Variants in LDLRAD4 observed in about 807,000 individuals in gnomAD.
LDLRAD4 encodes low-density lipoprotein receptor class A domain-containing protein 4.
LDLRAD4 carries 5 observed loss-of-function variants against 17.0 expected under a neutral mutation model. The ratio of observed to expected loss-of-function variants is 0.29; its 90% CI spans 0.15 to 0.62. The LOEUF is 0.62. LDLRAD4 is among the 20% of genes least tolerant of loss of function. The pLI is 0.84. For missense variants in LDLRAD4, 340 were observed against 424.7 expected, an observed-to-expected ratio of 0.80 and a Z score of 1.75; for synonymous variants, 168 against 171.8, an observed-to-expected ratio of 0.98 and a Z score of 0.17.
chr18:13,331,295 G>A lies in LDLRAD4; in HGVS notation c.-383+53107G>A, dbSNP rs142816155. On this transcript the variant is annotated intron_variant, in intron 1 of 5. Transcript: ENST00000359446. Reference sequence around the variant, plus strand: ...GACAGTTCACCCAGGGGGTGTCCATGCAGAACTACTTGCTTGGTTGGTGTG... The same window carrying A: ...GACAGTTCACCCAGGGGGTGTCCATACAGAACTACTTGCTTGGTTGGTGTG... 4.4e-4 allele frequency among the ~76,000 whole-genome samples: 67 copies of A among 152,346 alleles called. 2 individuals carry two copies. The East Asian group carries it at 0.012, about 26-fold the overall frequency.
intron 1 of LDLRAD4, among the ~76,000 whole-genome samples, chr18:13,252,561 A>G (rs923264521): frequency 1.3e-4 from 20 of 152,122 alleles, no homozygotes; most frequent in African/African-American, 4.1e-4. Flanking sequence ...ATGAACTTCC[A>G]ATTGCTTAAT....
chr18:13,293,849 T>C (rs538475398), intron 1 of LDLRAD4, among the ~76,000 whole-genome samples: 1 of 152,320 alleles, frequency 6.6e-6, no homozygotes, highest in East Asian at 1.9e-4. Context: ...AAATGCGGCT[T>C]TCCCCCCTTG....
chr18:13,412,264 C>G (rs554323660), intron 2 of LDLRAD4, among the ~76,000 whole-genome samples: 2 of 152,326 alleles, frequency 1.3e-5, no homozygotes, highest in East Asian at 3.9e-4. Flanking sequence ...CATATGTAAT[C>G]TCTGGCCCCA....
At chr18:13,491,801 T>C (rs1252799957) in intron 3 of LDLRAD4, among the ~76,000 whole-genome samples, 1 of 152,158 alleles carries the variant, frequency 6.6e-6, no homozygotes, top group Non-Finnish European at 1.5e-5. Context: ...CCCTGGTACT[T>C]TTCCCATCAG....
At chr18:13,412,517 T>C (rs530062205) in intron 2 of LDLRAD4, among the ~76,000 whole-genome samples, 30 of 152,256 alleles carry the variant, frequency 2.0e-4, no homozygotes, top group African/African-American at 7.2e-4. Flanking sequence ...TTCTCTCTCA[T>C]CCATTCATAT....
chr18:13,222,857 T>A (rs2041540004), intron 1 of LDLRAD4, among the ~76,000 whole-genome samples: 1 of 152,228 alleles, frequency 6.6e-6, no homozygotes. Context: ...AGACCTCAAC[T>A]TTGTTCTTAG....
intron 2 of LDLRAD4, among the ~76,000 whole-genome samples, chr18:13,408,459 T>C (rs182993776): frequency 6.6e-6 from 1 of 152,036 alleles, no homozygotes; most frequent in African/African-American, 2.4e-5. Context: ...ACACAGCTTT[T>C]TTTTTAAATT....
chr18:13,268,153 C>A (rs955291018), intron 1 of LDLRAD4, among the ~76,000 whole-genome samples: 2 of 152,204 alleles, frequency 1.3e-5, no homozygotes, highest in African/African-American at 4.8e-5. Context: ...TGTCCCAGGG[C>A]AGAATATTTT....
chr18:13,509,106 T>A lies in LDLRAD4; in HGVS notation c.181+70722T>A, dbSNP rs905666426. ...TCACCTGAGCCCAGGAGTTCAAGAC[T>A]AGCCTTTGGCAACACAGGGAGACAT... On this transcript the variant is annotated intron_variant, in intron 3 of 5. Coordinates refer to ENST00000359446, the Ensembl canonical transcript of LDLRAD4. Among the ~76,000 whole-genome samples the A allele has an allele frequency of 2.0e-5, 3 of 152,204 alleles. No homozygotes were observed. In the East Asian group the frequency reaches 5.8e-4, roughly 29 times the overall value.
chr18:13,328,366 C>A (rs1255695964), intron 1 of LDLRAD4, among the ~76,000 whole-genome samples: 3 of 152,180 alleles, frequency 2.0e-5, no homozygotes, highest in Non-Finnish European at 4.4e-5. Context: ...ATTCATGACT[C>A]CTCCTAGAGC....
chr18:13,255,254 C>G (rs2043441729), intron 1 of LDLRAD4, among the ~76,000 whole-genome samples: 1 of 152,174 alleles, frequency 6.6e-6, no homozygotes, highest in Admixed American at 6.5e-5. Flanking sequence ...ACAGTGGGAG[C>G]TCCTCCTGGC....
intron 4 of LDLRAD4, among the ~76,000 whole-genome samples, chr18:13,623,557 G>C (rs1455382240): frequency 6.6e-6 from 1 of 152,230 alleles, no homozygotes. Flanking sequence ...AAAGGACTCT[G>C]TGTGATGTTT....
At chr18:13,301,077 T>G (rs1201332029) in intron 1 of LDLRAD4, among the ~76,000 whole-genome samples, 6 of 143,344 alleles carry the variant, frequency 4.2e-5, no homozygotes, top group Admixed American at 6.8e-5. Context: ...GGCCGGGGTG[T>G]CCGTGGTTGG....
intron 1 of LDLRAD4, among the ~76,000 whole-genome samples, chr18:13,287,446 A>T (rs1276008121): frequency 6.6e-6 from 1 of 152,230 alleles, no homozygotes; most frequent in African/African-American, 2.4e-5. Context: ...GGTTGAAATG[A>T]GTTTGCCTTC....
chr18:13,588,606 C>T (rs2094966030), intron 3 of LDLRAD4, among the ~76,000 whole-genome samples: 1 of 151,946 alleles, frequency 6.6e-6, no homozygotes, highest in Non-Finnish European at 1.5e-5. Flanking sequence ...GTTACCTCAC[C>T]AAGCGAAGGG....
intron 3 of LDLRAD4, among the ~76,000 whole-genome samples, chr18:13,531,619 A>G (rs1481078058): frequency 7.0e-6 from 1 of 142,666 alleles, no homozygotes; most frequent in African/African-American, 2.6e-5. Flanking sequence ...AAGAAATCAC[A>G]CTTTGTGATA....
chr18:13,329,285 A>C (rs375273433), intron 1 of LDLRAD4, among the ~76,000 whole-genome samples: 15 of 152,338 alleles, frequency 9.8e-5, no homozygotes, highest in African/African-American at 3.1e-4. Flanking sequence ...AACATACTAG[A>C]GGCCTGTTTC....
At chr18:13,531,990 C>T (rs1463519106) in intron 3 of LDLRAD4, among the ~76,000 whole-genome samples, 2 of 152,150 alleles carry the variant, frequency 1.3e-5, no homozygotes, top group Non-Finnish European at 2.9e-5. Context: ...CACTGACCCC[C>T]CACCACCCCC....
At chr18:13,445,013 C>A (rs78706385) in intron 3 of LDLRAD4, among the ~76,000 whole-genome samples, 3,289 of 152,300 alleles carry the variant, frequency 0.022, 105 homozygotes, top group East Asian at 0.064. Flanking sequence ...CCAAACCAAC[C>A]AAAGTAGAAG....
Sources: allele counts gnomAD v4.1 joint callset (sites outside exome capture counted in the v4.1 genomes callset), GRCh38; gene constraint gnomAD v4.1.1; transcripts MANE v1.5; gene names NCBI Gene and HGNC (gene_info 2026-07-23, HGNC 2026-07-21).